SATB2: variants seen among roughly 807,000 people sequenced by gnomAD.
SATB2 encodes the protein SATB homeobox 2, also known as DNA-binding protein SATB2.
In SATB2, 1 loss-of-function variant was observed where a neutral mutation model predicts 73.4. The ratio of observed to expected loss-of-function variants is 0.01; its 90% CI spans 0.00 to 0.06. SATB2 has a LOEUF of 0.06. Ranked by LOEUF, SATB2 falls within the 10% of genes least tolerant of loss-of-function variation. The probability of loss-of-function intolerance (pLI) is 1.00; values close to 1 mark genes in which losing one functional copy is unlikely to be tolerated. For synonymous variants in SATB2, 397 were observed against 367.0 expected, an observed-to-expected ratio of 1.08 and a Z score of -0.93; for missense variants, 459 against 945.8, an observed-to-expected ratio of 0.49 and a Z score of 6.75.
intron 10 of SATB2, among the ~76,000 whole-genome samples, chr2:199,306,450 T>C (rs72929446): frequency 5.3e-5 from 8 of 152,318 alleles, no homozygotes; most frequent in Non-Finnish European, 1.2e-4. Context: ...ATTACCTAAT[T>C]TGTAAACTCT....
chr2:199,316,350 G>C (rs1446642), intron 9 of SATB2, among the ~76,000 whole-genome samples: 120,124 of 152,014 alleles, frequency 0.79, 49,182 homozygotes, highest in Non-Finnish European at 0.89. Flanking sequence ...TACAAGGAAG[G>C]CTTGTCAAGG....
chr2:199,367,568 T>G (rs373237669), intron 6 of SATB2, among the ~76,000 whole-genome samples: 1 of 152,148 alleles, frequency 6.6e-6, no homozygotes, highest in Non-Finnish European at 1.5e-5. Context: ...AATCTGCAAG[T>G]AGTAAAAGAA....
At chr2:199,287,534 A>C (rs913119635) in intron 10 of SATB2, among the ~76,000 whole-genome samples, 5 of 151,368 alleles carry the variant, frequency 3.3e-5, no homozygotes, top group Admixed American at 3.3e-4. Flanking sequence ...AATTGAAAAC[A>C]CCTATTTAGA....
rs1375821924 is a variant in SATB2, at chr2:199,269,627, T to C, written c.*2584A>G. 3 of 152,428 alleles carry C rather than the reference T, an allele frequency of 2.0e-5. No homozygotes were observed. The highest frequency in any genetic ancestry group is 4.4e-5 in the Non-Finnish European group (3 of 67,998). 9.4% of individuals were successfully genotyped at this position (152,428 alleles called of 1,614,324 possible). On this transcript the variant is annotated 3_prime_UTR_variant, in exon 11 of 11. Coordinates refer to ENST00000417098, the MANE Select transcript of SATB2 (RefSeq NM_001172509.2). ...GTTGATTTACATGGAAAAAAGAACATTTACAATATGTTAATCCTTATTCAC... is the reference window on the plus strand; with the variant it reads ...GTTGATTTACATGGAAAAAAGAACACTTACAATATGTTAATCCTTATTCAC...
At chr2:199,403,112 G>C (rs1253897312) in intron 3 of SATB2, among the ~76,000 whole-genome samples, 1 of 152,040 alleles carries the variant, frequency 6.6e-6, no homozygotes, top group East Asian at 1.9e-4. Context: ...CCTAGTTAAT[G>C]AATCAAAAAC....
chr2:199,319,637 C>T (rs1427810431), intron 9 of SATB2, among the ~76,000 whole-genome samples: 1 of 151,904 alleles, frequency 6.6e-6, no homozygotes, highest in African/African-American at 2.4e-5. Context: ...AAAAATAAGC[C>T]CCTTTCCATT....
chr2:199,286,635 A>C (rs568556025), intron 10 of SATB2, among the ~76,000 whole-genome samples: 1 of 152,092 alleles, frequency 6.6e-6, no homozygotes, highest in South Asian at 2.1e-4. Flanking sequence ...ATAAGCACTA[A>C]TTTCTCCCTG....
At position 199,464,761 on chromosome 2, in the gene SATB2, C is replaced by G. The variant is rs901460149; in HGVS notation, c.-141+75G>C. ...ACCTGTTCCTTTCCAAAGTGTGATG[C>G]CCGGTGTCCTACCCTAGGCCACGCG... On this transcript the variant is annotated intron_variant, in intron 1 of 11. Coordinates refer to the SATB2 transcript ENST00000260926. The surrounding 1 kb of genome is among the most constrained non-coding windows in gnomAD (Gnocchi z 6.6). 2 of 152,286 alleles carry G rather than the reference C, an allele frequency of 1.3e-5. No individual in the cohort carries two copies. Among genetic ancestry groups the G allele is most frequent in the Admixed American group, 1.3e-4 (2 of 15,290 alleles). The allele number at this position is 152,286 out of a possible 1,614,324, so 9.4% of individuals were successfully genotyped here. A position where few individuals can be genotyped will look rare whatever the true frequency, so the allele number is the denominator to read the frequency against.
At chr2:199,315,767 C>T (rs1441063569) in intron 9 of SATB2, among the ~76,000 whole-genome samples, 1 of 152,092 alleles carries the variant, frequency 6.6e-6, no homozygotes, top group Non-Finnish European at 1.5e-5. Flanking sequence ...AACTTTACCC[C>T]TGTTGAATAA....
chr2:199,465,713 G>A (rs1009791260), upstream of SATB2, among the ~76,000 whole-genome samples: 1 of 152,184 alleles, frequency 6.6e-6, no homozygotes, highest in African/African-American at 2.4e-5. Context: ...CAACCATAGT[G>A]ATATATACTT....
At chr2:199,319,773 A>C (rs1360315058) in intron 9 of SATB2, among the ~76,000 whole-genome samples, 1 of 152,112 alleles carries the variant, frequency 6.6e-6, no homozygotes, top group Non-Finnish European at 1.5e-5. Context: ...CAAAGAAAAA[A>C]AAAAAGTCAG....
chr2:199,361,320 A>C (rs1036503108), intron 6 of SATB2, among the ~76,000 whole-genome samples: 3 of 151,636 alleles, frequency 2.0e-5, no homozygotes, highest in African/African-American at 7.3e-5. Flanking sequence ...TCTCATTCTC[A>C]TACCCCTACT....
intron 3 of SATB2, among the ~76,000 whole-genome samples, chr2:199,427,062 G>C (rs1347116496): frequency 6.6e-6 from 1 of 152,070 alleles, no homozygotes; most frequent in African/African-American, 2.4e-5. Context: ...ATTTTTAGTA[G>C]AGACGGGGTT....
At chr2:199,424,929 T>C (rs994232442) in intron 3 of SATB2, among the ~76,000 whole-genome samples, 2 of 152,222 alleles carry the variant, frequency 1.3e-5, no homozygotes, top group African/African-American at 4.8e-5. Context: ...AAAATTTAAG[T>C]GCTTTAACGA....
chr2:199,440,860 T>C (rs955644574), intron 2 of SATB2, among the ~76,000 whole-genome samples: 4 of 152,068 alleles, frequency 2.6e-5, no homozygotes, highest in Admixed American at 2.0e-4. Context: ...TACTTTTTTT[T>C]TTTTTTTTAG....
intron 3 of SATB2, among the ~76,000 whole-genome samples, chr2:199,391,688 A>T (rs971710152): frequency 8.5e-5 from 13 of 152,284 alleles, no homozygotes; most frequent in Admixed American, 7.8e-4. Context: ...AGAAGCCAAG[A>T]GTCCAATACA....
At chr2:199,422,355 T>C (rs1691198598) in intron 3 of SATB2, among the ~76,000 whole-genome samples, 1 of 151,916 alleles carries the variant, frequency 6.6e-6, no homozygotes, top group Non-Finnish European at 1.5e-5. Flanking sequence ...AAAAAACAAA[T>C]TTAAACTTTA....
chr2:199,395,373 A>G (rs1216893147), intron 3 of SATB2, among the ~76,000 whole-genome samples: 3 of 152,244 alleles, frequency 2.0e-5, no homozygotes, highest in Admixed American at 2.0e-4. Flanking sequence ...AGGGCAAGTC[A>G]TTAATTTTTA....
chr2:199,384,581 C>T (rs1480198162), intron 3 of SATB2, among the ~76,000 whole-genome samples: 1 of 152,170 alleles, frequency 6.6e-6, no homozygotes, highest in African/African-American at 2.4e-5. Flanking sequence ...AAAAATATTA[C>T]TTGGAATAGT....
Sources: allele counts gnomAD v4.1 joint callset (sites outside exome capture counted in the v4.1 genomes callset), GRCh38; gene constraint gnomAD v4.1.1; non-coding constraint Gnocchi (gnomAD v3.1); transcripts MANE v1.5; gene names NCBI Gene and HGNC (gene_info 2026-07-23, HGNC 2026-07-21).